Variants in EGF observed in about 807,000 individuals in gnomAD.
The protein encoded by EGF is pro-epidermal growth factor.
Under a neutral mutation model 143.8 loss-of-function variants are expected in EGF, and 95 were observed. The observed-to-expected ratio is 0.66, with a 90% confidence interval of 0.56 to 0.78. EGF has a LOEUF of 0.78. Ranked by LOEUF, EGF falls within the 30% of genes least tolerant of loss-of-function variation. The pLI is 0.00. For synonymous variants in EGF, 510 were observed against 510.5 expected (o/e 1.00, Z 0.01); for missense variants, 1,320 against 1,470.9 (o/e 0.90, Z 1.68).
intron 21 of EGF, among the ~76,000 whole-genome samples, chr4:110,000,888 T>C (rs771671744): frequency 9.9e-5 from 15 of 152,228 alleles, no homozygotes; most frequent in Non-Finnish European, 1.9e-4. Context: ...AAGACCCACT[T>C]GACTAATAGG....
At chr4:109,947,068 A>G (rs1258437465) in intron 5 of EGF, among the ~76,000 whole-genome samples, 2 of 152,138 alleles carry the variant, frequency 1.3e-5, no homozygotes, top group African/African-American at 4.8e-5. Context: ...ACAGTGAGCC[A>G]AGATCGTTCC....
intron 1 of EGF, among the ~76,000 whole-genome samples, chr4:109,928,559 G>A (rs1739138297): frequency 6.6e-6 from 1 of 152,092 alleles, no homozygotes; most frequent in Non-Finnish European, 1.5e-5. Context: ...TCCTGGGTCG[G>A]GGGAAAGGCC....
At chr4:109,947,461 A>T (rs934548260) in intron 5 of EGF, among the ~76,000 whole-genome samples, 2 of 152,124 alleles carry the variant, frequency 1.3e-5, no homozygotes, top group Non-Finnish European at 2.9e-5. Flanking sequence ...TTCACAAAGC[A>T]AAAGTTGTGG....
chr4:109,989,254 C>T (rs1182406351), intron 18 of EGF, among the ~76,000 whole-genome samples: 1 of 152,158 alleles, frequency 6.6e-6, no homozygotes, highest in African/African-American at 2.4e-5. Context: ...TTCGTAATCC[C>T]CGTCCTCTGG....
chr4:109,914,723 C>T (rs1222022277), intron 1 of EGF, among the ~76,000 whole-genome samples: 3 of 152,066 alleles, frequency 2.0e-5, no homozygotes, highest in South Asian at 2.1e-4. Context: ...TGACATAGTC[C>T]TAGAGAACAG....
intron 22 of EGF, among the ~76,000 whole-genome samples, chr4:110,006,585 T>G (rs942758171): frequency 1.3e-5 from 2 of 152,232 alleles, no homozygotes; most frequent in Non-Finnish European, 1.5e-5. Flanking sequence ...TTTGCGAACT[T>G]CTAAATTACC....
chr4:109,951,352 C>G (rs996264323), intron 5 of EGF, among the ~76,000 whole-genome samples: 1 of 151,832 alleles, frequency 6.6e-6, no homozygotes, highest in Non-Finnish European at 1.5e-5. Context: ...AGCAAGACTC[C>G]GTCTCAAACC....
At chr4:109,944,137 CT>C in intron 4 of EGF, 68 bp downstream of exon 4, 1 of 1,512,102 alleles carries the variant, frequency 6.6e-7, no homozygotes, top group Non-Finnish European at 9.1e-7. Flanking sequence ...ATTAATTTTA[CT>C]TTTGTCAATG....
intron 5 of EGF, among the ~76,000 whole-genome samples, chr4:109,958,020 A>G (rs776472454): frequency 6.6e-6 from 1 of 152,236 alleles, no homozygotes; most frequent in Non-Finnish European, 1.5e-5. Context: ...CTTTTTGGAA[A>G]GAGATATGCA....
At chr4:109,950,811 C>T (rs1205904387) in intron 5 of EGF, among the ~76,000 whole-genome samples, 1 of 152,186 alleles carries the variant, frequency 6.6e-6, no homozygotes, top group Non-Finnish European at 1.5e-5. Context: ...GGAACACCTT[C>T]CTTGATCTAC....
At chr4:109,973,096 T>C (rs980883814) in intron 11 of EGF, among the ~76,000 whole-genome samples, 1 of 152,206 alleles carries the variant, frequency 6.6e-6, no homozygotes, top group African/African-American at 2.4e-5. Flanking sequence ...CTTAGCCCTA[T>C]TTATATCCTG....
chr4:109,949,383 A>G (rs996577139), intron 5 of EGF, among the ~76,000 whole-genome samples: 9 of 152,158 alleles, frequency 5.9e-5, no homozygotes, highest in African/African-American at 1.7e-4. Context: ...CTCTAGTTCT[A>G]TGGGATTTAA....
At chr4:109,979,444 G>A (rs11569008) in intron 13 of EGF, among the ~76,000 whole-genome samples, 7,408 of 151,754 alleles carry the variant, frequency 0.049, 545 homozygotes, top group African/African-American at 0.16. Context: ...GGGAAAGAAG[G>A]TGGGGGACTA....
chr4:109,993,524 A>G (rs1578373693), intron 19 of EGF, among the ~76,000 whole-genome samples, 155 bp downstream of exon 19: 3 of 152,304 alleles, frequency 2.0e-5, no homozygotes, highest in South Asian at 4.1e-4. Context: ...GGGCTTGAGA[A>G]TTTGAAATGG....
intron 5 of EGF, among the ~76,000 whole-genome samples, chr4:109,953,153 G>T (rs1425583644): frequency 6.6e-6 from 1 of 152,138 alleles, no homozygotes; most frequent in Non-Finnish European, 1.5e-5. Flanking sequence ...CACTGCAGGT[G>T]GTTCTGTAAG....
chr4:109,961,748 C>A, intron 7 of EGF, 115 bp from the exon 8 acceptor site: 1 of 1,405,370 alleles, frequency 7.1e-7, no homozygotes, highest in Non-Finnish European at 9.9e-7. Context: ...CCTGTAATCC[C>A]AACACTTTGG....
At position 109,913,530 on chromosome 4, in the gene EGF, T is replaced by A. The variant is rs11568851; in HGVS notation, c.127+68T>A. ...TGCCCCCACATCCCTGTTGGTTCAA[T>A]CTGGTATACTTGGGCATTTAACAAA... On this transcript the variant is annotated intron_variant, in intron 1 of 23. Coordinates refer to ENST00000265171, the MANE Select transcript of EGF (RefSeq NM_001963.6). The A allele has an allele frequency of 9.5e-5, 150 of 1,586,780 alleles. 1 individual carries two copies. The African/African-American group carries it at 1.6e-3, about 17-fold the overall frequency.
At chr4:109,987,621 A>T in intron 16 of EGF, 123 bp from the exon 17 acceptor site, 1 of 812,172 alleles carries the variant, frequency 1.2e-6, no homozygotes, top group South Asian at 1.3e-5. Flanking sequence ...TTCTATTTGG[A>T]GGTTAACCTG....
At chr4:109,947,554 A>G (rs1040437193) in intron 5 of EGF, among the ~76,000 whole-genome samples, 1 of 152,240 alleles carries the variant, frequency 6.6e-6, no homozygotes, top group African/African-American at 2.4e-5. Flanking sequence ...GGGTGAACCC[A>G]TAATGGTAGT....
Sources: allele counts gnomAD v4.1 joint callset (sites outside exome capture counted in the v4.1 genomes callset), GRCh38; gene constraint gnomAD v4.1.1; transcripts MANE v1.5; gene names NCBI Gene and HGNC (gene_info 2026-07-23, HGNC 2026-07-21).